Variants in ZNF517 observed in about 807,000 individuals in gnomAD.
ZNF517 encodes zinc finger protein 517.
Under a neutral mutation model 12.1 loss-of-function variants are expected in ZNF517, and 12 were observed. The ratio of observed to expected loss-of-function variants is 0.99; its 90% CI spans 0.63 to 1.61. ZNF517 has a LOEUF of 1.61. Among genes scored for constraint, ZNF517 ranks in the 40% most tolerant of loss-of-function variants. The pLI, the probability that ZNF517 is intolerant of heterozygous loss-of-function variation, is 0.00. For synonymous variants in ZNF517, 388 were observed against 310.2 expected (o/e 1.25, Z -2.63); for missense variants, 781 against 693.2 (o/e 1.13, Z -1.42).
rs564188414 is a variant in ZNF517 at position 144,807,048 on chromosome 8, C to G, written c.275-143C>G. 3.0e-5 allele frequency: 33 copies of G among 1,115,484 alleles called. No homozygotes were observed. In the Admixed American group the frequency reaches 5.1e-4, roughly 17 times the overall value. The allele number at this position is 1,115,484 out of a possible 1,614,324, so 69.1% of individuals were successfully genotyped here. A position where few individuals can be genotyped will look rare whatever the true frequency, so the allele number is the denominator to read the frequency against. On this transcript the variant is annotated intron_variant, in intron 4 of 4. Coordinates refer to ENST00000359971, the MANE Select transcript of ZNF517 (RefSeq NM_213605.3). ...TTCTCCTGCCTCAGCCTCCTGTATA[C>G]AAGTTTTATTTGTCATTTATACCTC... is the stretch of plus-strand genomic sequence containing the variant.
At chr8:144,802,186 C>T (rs1385069969) in intron 1 of ZNF517, among the ~76,000 whole-genome samples, 2 of 152,178 alleles carry the variant, frequency 1.3e-5, no homozygotes, top group Non-Finnish European at 2.9e-5. Flanking sequence ...GATGTTCCCA[C>T]AACATGGTTT....
chr8:144,806,571 G>A (rs958918605), intron 4 of ZNF517, among the ~76,000 whole-genome samples: 8 of 151,928 alleles, frequency 5.3e-5, no homozygotes, highest in East Asian at 1.9e-4. Flanking sequence ...TGCAACCTCC[G>A]CTTCTTGGGT....
chr8:144,805,392 G>A (rs532136041), intron 4 of ZNF517, among the ~76,000 whole-genome samples: 2 of 152,290 alleles, frequency 1.3e-5, no homozygotes, highest in African/African-American at 2.4e-5. Context: ...GAGCAGTGGC[G>A]CGATCTCAGC....
At chr8:144,801,712 C>T (rs1037018171) in intron 1 of ZNF517, among the ~76,000 whole-genome samples, 2 of 152,060 alleles carry the variant, frequency 1.3e-5, no homozygotes, top group Non-Finnish European at 2.9e-5. Flanking sequence ...CTCCACCGCA[C>T]CTGGCCAAAA....
intron 3 of ZNF517, 71 bp from the exon 4 acceptor site, chr8:144,804,054 T>G (rs1481073722): frequency 4.9e-5 from 72 of 1,471,706 alleles, no homozygotes; most frequent in Non-Finnish European, 6.2e-5. Context: ...CCTGATGGCC[T>G]CCAGCCAGGC....
At position 144,807,994 on chromosome 8, in the gene ZNF517, A is replaced by G; in HGVS notation, c.1078A>G (p.Arg360Gly). The G allele has an allele frequency of 1.3e-6, 2 of 1,550,858 alleles. No individual in the cohort carries two copies. Among genetic ancestry groups the G allele is most frequent in the Non-Finnish European group, 1.7e-6 (2 of 1,147,320 alleles). The change falls in exon 5 of 5, where the codon AGG (arginine) becomes GGG (glycine). Residue 360 changes from arginine to glycine, a missense_variant. Arg to Gly is a moderately radical substitution (Grantham distance 125, BLOSUM62 -2). Transcript: ENST00000359971. ...GGGCGCCCTGCTCGGAGCTGCGCAG[A>G]GGCCCCAGGCGGGGGACCCGCCCCA... The part of the protein sequence containing the change: ...GQGALLGAAQ[R>G]PQAGDPPHEC...
chr8:144,807,393 C>G lies in ZNF517; in HGVS notation c.477C>G (p.Ser159=). Residue 159 remains serine (S), a synonymous_variant, in exon 5 of 5, where the codon TCC becomes TCG. Coordinates refer to ENST00000359971, the MANE Select transcript of ZNF517 (RefSeq NM_213605.3). The part of the protein sequence containing the change: ...THPRAREHSA[S]PRVLQEDLGR... The stretch of plus-strand genomic sequence containing the variant: ...CCCGGGCTCGGGAGCACAGCGCCTC[C>G]CCAAGGGTTCTGCAGGAAGACCTGG... 1 of 1,559,474 alleles carries G rather than the reference C, an allele frequency of 6.4e-7. No individual in the cohort carries two copies. The highest frequency in any genetic ancestry group is 8.7e-7 in the Non-Finnish European group (1 of 1,152,022).
chr8:144,808,919 T>G lies in ZNF517; in HGVS notation c.*524T>G, dbSNP rs1827439097. On this transcript the variant is annotated 3_prime_UTR_variant, in exon 5 of 5. Transcript: ENST00000359971. The stretch of plus-strand genomic sequence containing the variant: ...CACTTTGGGAGGCTGAGGTGGGAGG[T>G]TTGCTTAAGCCCAGGAGTTTGAGAC... The G allele has an allele frequency of 6.6e-6, 1 of 151,962 alleles. No homozygotes were observed. The allele number at this position is 151,962 out of a possible 1,614,324, so 9.4% of individuals were successfully genotyped here. A position where few individuals can be genotyped will look rare whatever the true frequency, so the allele number is the denominator to read the frequency against.
At position 144,800,852 on chromosome 8, in the gene ZNF517, TGAGA is replaced by T; in HGVS notation, c.-46+1920_-46+1923del. On this transcript the variant is annotated intron_variant, in intron 1 of 4. Transcript: ENST00000359971. ...TCTAAACGCACTCTTTATTTTTATT[TGAGA>T]GAGAACCTCACTCTGTCGCCCAGGC... is the stretch of plus-strand genomic sequence containing the variant. The T allele has an allele frequency of 1.6e-5, 5 of 309,038 alleles. No homozygotes were observed. The South Asian group carries it at 3.8e-4, about 24-fold the overall frequency. 19.1% of individuals were successfully genotyped at this position (309,038 alleles called of 1,614,324 possible). A position where few individuals can be genotyped will look rare whatever the true frequency, so the allele number is the denominator to read the frequency against.
rs1444376615 is a variant in ZNF517, at chr8:144,807,433, A to G, written c.517A>G (p.Ser173Gly). 6.4e-7 allele frequency: 1 copy of G among 1,571,126 alleles called. No homozygotes were observed. Among genetic ancestry groups the G allele is most frequent in the African/African-American group, 1.4e-5 (1 of 73,542 alleles). Residue 173 changes from serine to glycine, a missense_variant, in exon 5 of 5, where the codon AGC becomes GGC. Physicochemically the swap from Ser to Gly is moderately conservative, Grantham distance 56. Transcript: ENST00000359971. ...GGAAGACCTGGGCCGGCCTGTGGGG[A>G]GCTCAGCCCCCCGCTACAGGTGCGT... ...LQEDLGRPVG[S>G]SAPRYRCVCG...
chr8:144,801,761 G>A (rs1336376358), intron 1 of ZNF517, among the ~76,000 whole-genome samples: 6 of 152,212 alleles, frequency 3.9e-5, no homozygotes, highest in Non-Finnish European at 8.8e-5. Context: ...GCCGGGTGTG[G>A]TGGCTCACAC....
Position 144,808,531 on chromosome 8 carries a change from G to A in ZNF517, c.*136G>A, listed in dbSNP as rs1827414556. Reference sequence around the variant, plus strand: ...AAGGGCCAGCTCCCATCAGGAGCTCGGCTTCTTGCTCCAGCCGGGCACTGG... The same window carrying A: ...AAGGGCCAGCTCCCATCAGGAGCTCAGCTTCTTGCTCCAGCCGGGCACTGG... On this transcript the variant is annotated 3_prime_UTR_variant, in exon 5 of 5. Transcript: ENST00000359971. The A allele has an allele frequency of 1.6e-6, 2 of 1,231,802 alleles. No individual in the cohort carries two copies. The highest frequency in any genetic ancestry group is 2.1e-6 in the Non-Finnish European group (2 of 967,932). The allele number at this position is 1,231,802 out of a possible 1,614,324, so 76.3% of individuals were successfully genotyped here.
At chr8:144,799,813 G>A (rs962654528) in intron 1 of ZNF517, among the ~76,000 whole-genome samples, 66 of 151,782 alleles carry the variant, frequency 4.3e-4, no homozygotes, top group African/African-American at 1.5e-3. Flanking sequence ...GGTGGCGGGC[G>A]CCTGTAGTCC....
At chr8:144,803,083 C>T in intron 2 of ZNF517, 136 bp downstream of exon 2, 1 of 1,139,948 alleles carries the variant, frequency 8.8e-7, no homozygotes, top group Non-Finnish European at 1.2e-6. Flanking sequence ...CCGAGGACAG[C>T]CTCCTCGCTC....
Position 144,807,683 on chromosome 8 carries a change from C to T in ZNF517, c.767C>T (p.Thr256Ile), listed in dbSNP as rs1475627898. The change falls in exon 5 of 5, where the codon ACC (threonine) becomes ATC (isoleucine). Residue 256 changes from threonine to isoleucine, a missense_variant. By Grantham distance (89) the Thr-to-Ile change is moderately conservative. Coordinates refer to ENST00000359971, the MANE Select transcript of ZNF517 (RefSeq NM_213605.3). ...TQLAAHHRVH[T>I]RERPYACGEC... ...CTGGCTGCCCACCACCGCGTCCACA[C>T]CCGCGAGCGGCCCTACGCATGCGGC... The T allele has an allele frequency of 1.2e-6, 2 of 1,610,382 alleles. No individual in the cohort carries two copies. The highest frequency in any genetic ancestry group is 1.7e-6 in the Non-Finnish European group (2 of 1,179,348).
At chr8:144,801,532 C>T (rs769748183) in intron 1 of ZNF517, among the ~76,000 whole-genome samples, 5 of 151,930 alleles carry the variant, frequency 3.3e-5, no homozygotes, top group Admixed American at 6.6e-5. Flanking sequence ...GGCTGGAGTG[C>T]GGTGGCGCGA....
At chr8:144,802,625 G>T in intron 1 of ZNF517, 1 of 303,544 alleles carries the variant, frequency 3.3e-6, no homozygotes, top group Non-Finnish European at 4.8e-6. Context: ...AGGGGAGGTG[G>T]CAGTTTAAAA....
At chr8:144,810,217 C>T (rs1259779988), downstream of ZNF517, 1 of 689,966 alleles carries the variant, frequency 1.4e-6, no homozygotes, top group Non-Finnish European at 2.7e-6. Context: ...GGTGCTGCAT[C>T]CTCTTGGCCC....
chr8:144,801,600 C>T (rs1826965066), intron 1 of ZNF517, among the ~76,000 whole-genome samples: 1 of 152,216 alleles, frequency 6.6e-6, no homozygotes, highest in Non-Finnish European at 1.5e-5. Context: ...GCCTCAGCCT[C>T]CCTAGTAGCT....
Sources: allele counts gnomAD v4.1 joint callset (sites outside exome capture counted in the v4.1 genomes callset), GRCh38; gene constraint gnomAD v4.1.1; transcripts MANE v1.5; gene names NCBI Gene and HGNC (gene_info 2026-07-23, HGNC 2026-07-21).